Variants in ELMO1 observed in about 807,000 individuals in gnomAD.
ELMO1 encodes the protein engulfment and cell motility protein 1.
A neutral mutation model predicts 98.9 loss-of-function variants in ELMO1; 26 were observed. The ratio of observed to expected loss-of-function variants is 0.26; its 90% CI spans 0.19 to 0.36. The LOEUF is 0.36. Ranked by LOEUF, ELMO1 falls within the 10% of genes least tolerant of loss-of-function variation. The pLI is 1.00. For missense variants in ELMO1, 627 were observed against 935.2 expected (o/e 0.67, Z 4.30); for synonymous variants, 346 against 346.0 (o/e 1.00, Z 0.00).
chr7:36,893,095 TTCA>T (rs1236227364), intron 17 of ELMO1, among the ~76,000 whole-genome samples: 1 of 152,208 alleles, frequency 6.6e-6, no homozygotes, highest in Admixed American at 6.5e-5. Context: ...TCAAACATAA[TTCA>T]TCAAACATAA....
intron 13 of ELMO1, among the ~76,000 whole-genome samples, chr7:37,135,388 G>A (rs923638968): frequency 6.6e-6 from 1 of 152,172 alleles, no homozygotes; most frequent in Non-Finnish European, 1.5e-5. Flanking sequence ...CAGACCCTTT[G>A]AAGGAACTGG....
intron 1 of ELMO1, among the ~76,000 whole-genome samples, chr7:37,348,057 G>A (rs1184967227): frequency 2.0e-5 from 3 of 152,138 alleles, no homozygotes; most frequent in South Asian, 4.1e-4. Flanking sequence ...GGTCCACATC[G>A]CATTCACAGT....
At chr7:37,066,304 A>C (rs917343134) in intron 15 of ELMO1, among the ~76,000 whole-genome samples, 2 of 152,152 alleles carry the variant, frequency 1.3e-5, no homozygotes, top group African/African-American at 4.8e-5. Context: ...TAATGCAAGC[A>C]CTTATGCCTG....
chr7:37,057,402 G>C (rs184397621), intron 15 of ELMO1, among the ~76,000 whole-genome samples: 2 of 152,186 alleles, frequency 1.3e-5, no homozygotes, highest in Non-Finnish European at 2.9e-5. Flanking sequence ...TTGTGGGGTA[G>C]ATGTGTCCTA....
chr7:37,394,456 C>T (rs1803209520), intron 1 of ELMO1, among the ~76,000 whole-genome samples: 1 of 152,188 alleles, frequency 6.6e-6, no homozygotes. Flanking sequence ...AAACAGGAAT[C>T]TCTGAAGGGT....
intron 1 of ELMO1, among the ~76,000 whole-genome samples, chr7:37,354,442 G>A (rs560380595): frequency 6.6e-6 from 1 of 152,314 alleles, no homozygotes; most frequent in African/African-American, 2.4e-5. Flanking sequence ...GAGGTGAGAG[G>A]AGGGCCTATT....
At chr7:36,867,579 G>GAAAA (rs1456111972) in intron 20 of ELMO1, among the ~76,000 whole-genome samples, 1 of 151,692 alleles carries the variant, frequency 6.6e-6, no homozygotes, top group East Asian at 1.9e-4. Flanking sequence ...TCCTTCCTTA[G>GAAAA]TGTCCTGAGG....
chr7:37,433,769 T>C (rs957678775), intron 1 of ELMO1, among the ~76,000 whole-genome samples: 1 of 152,106 alleles, frequency 6.6e-6, no homozygotes, highest in East Asian at 1.9e-4. Flanking sequence ...TTTATGTCCC[T>C]GAAAACAATT....
chr7:37,407,403 G>T (rs1803816520), intron 1 of ELMO1, among the ~76,000 whole-genome samples: 1 of 151,780 alleles, frequency 6.6e-6, no homozygotes, highest in East Asian at 1.9e-4. Context: ...AGCTACACAG[G>T]AGGCTGAGGC....
intron 16 of ELMO1, among the ~76,000 whole-genome samples, chr7:36,927,972 T>G (rs1785715223): frequency 6.6e-6 from 1 of 152,236 alleles, no homozygotes; most frequent in Admixed American, 6.5e-5. Flanking sequence ...TCTTAATAAC[T>G]CATGCCAGTC....
chr7:37,057,272 G>A (rs1284226763), intron 15 of ELMO1, among the ~76,000 whole-genome samples: 3 of 151,098 alleles, frequency 2.0e-5, no homozygotes, highest in Admixed American at 1.3e-4. Context: ...CAGTTGTCAT[G>A]TGTTTTGAAA....
intron 1 of ELMO1, among the ~76,000 whole-genome samples, chr7:37,423,950 G>T (rs1375413236): frequency 6.6e-6 from 1 of 152,204 alleles, no homozygotes. Context: ...TCTGGAGGAA[G>T]TGTGTGTGAG....
chr7:37,328,816 CT>C (rs1375389761), intron 2 of ELMO1, among the ~76,000 whole-genome samples: 6 of 152,230 alleles, frequency 3.9e-5, no homozygotes, highest in African/African-American at 1.4e-4. Flanking sequence ...GTAGTCCTTT[CT>C]GTCTCAGACC....
intron 16 of ELMO1, among the ~76,000 whole-genome samples, chr7:37,009,607 A>T (rs951901811): frequency 6.6e-6 from 1 of 151,996 alleles, no homozygotes; most frequent in African/African-American, 2.4e-5. Context: ...GCAAATCAAA[A>T]TTTTAAATTG....
At position 36,913,916 on chromosome 7, in the gene ELMO1, A is replaced by G. The variant is rs150229982; in HGVS notation, c.1438-18899T>C. Among the ~76,000 whole-genome samples, 40 of 152,294 alleles carry G rather than the reference A, an allele frequency of 2.6e-4. No individual in the cohort carries two copies. The South Asian group carries it at 4.6e-3, about 17-fold the overall frequency. ...GTTCAGAGATTTGTTTGGAGTTTTA[A>G]AACTCCATGTCCCATTTAAAGCAAG... is the stretch of plus-strand genomic sequence containing the variant. On this transcript the variant is annotated intron_variant, in intron 16 of 21. Coordinates refer to ENST00000310758, the MANE Select transcript of ELMO1 (RefSeq NM_014800.11).
At chr7:36,903,364 G>C (rs779734474) in intron 16 of ELMO1, among the ~76,000 whole-genome samples, 12 of 152,160 alleles carry the variant, frequency 7.9e-5, no homozygotes, top group Admixed American at 2.6e-4. Flanking sequence ...TCATAGCACT[G>C]ACTGTACCAT....
rs369299216 is a variant in ELMO1, at chr7:36,969,449, T to C, written c.1437+43850A>G. Among the ~76,000 whole-genome samples, 35 of 152,362 alleles carry C rather than the reference T, an allele frequency of 2.3e-4. No individual in the cohort carries two copies. The East Asian group carries it at 6.2e-3, about 27-fold the overall frequency. On this transcript the variant is annotated intron_variant, in intron 16 of 21. Transcript: ENST00000310758. The stretch of plus-strand genomic sequence containing the variant: ...AATTCAATATTCATGATATTGTATA[T>C]TGTTTTTCAACCCAATTTAAGATCT...
intron 4 of ELMO1, among the ~76,000 whole-genome samples, chr7:37,305,946 T>TA (rs1798593104): frequency 6.6e-6 from 1 of 152,176 alleles, no homozygotes; most frequent in South Asian, 2.1e-4. Flanking sequence ...ATAATACCTG[T>TA]AGCAGCAGAG....
intron 13 of ELMO1, among the ~76,000 whole-genome samples, chr7:37,161,578 C>T (rs985921953): frequency 1.3e-5 from 2 of 152,002 alleles, no homozygotes; most frequent in Non-Finnish European, 2.9e-5. Context: ...ATTTCTCTGG[C>T]AAAGAATTTA....
Sources: gnomAD v4.1 joint callset for allele counts (sites outside exome capture counted in the v4.1 genomes callset) on GRCh38, gnomAD v4.1.1 for gene constraint, MANE v1.5 for transcripts, NCBI Gene and HGNC (gene_info 2026-07-23, HGNC 2026-07-21) for gene names.